INVS: variants seen among roughly 807,000 people sequenced by gnomAD.
The protein encoded by INVS is inversin, also known as inversion of embryo turning homolog.
INVS carries 86 observed loss-of-function variants against 108.8 expected under a neutral mutation model. That is an observed-to-expected ratio of 0.79 (90% confidence interval 0.66 to 0.95). The LOEUF (loss-of-function observed/expected upper bound fraction) is 0.95. Ranked by LOEUF, INVS falls within the 40% of genes least tolerant of loss-of-function variation. The pLI is 0.00. For synonymous variants in INVS, 455 were observed against 473.5 expected (o/e 0.96, Z 0.51); for missense variants, 1,169 against 1,297.4 (o/e 0.90, Z 1.52).
chr9:100,265,347 T>A (rs1288821332), intron 11 of INVS, among the ~76,000 whole-genome samples: 1 of 152,222 alleles, frequency 6.6e-6, no homozygotes, highest in East Asian at 1.9e-4. Flanking sequence ...ATAACTATAC[T>A]CATAATAAAA....
intron 3 of INVS, among the ~76,000 whole-genome samples, chr9:100,158,811 G>A (rs1483689564): frequency 6.6e-6 from 1 of 152,204 alleles, no homozygotes; most frequent in African/African-American, 2.4e-5. Context: ...AGGTGTTTGG[G>A]TCATGGGAGC....
rs1394627025 is a variant in INVS, at chr9:100,100,771, TATATATA to T, written c.-25+1363_-25+1369del. The stretch of plus-strand genomic sequence containing the variant: ...GTACATATAATATATATAATATATG[TATATATA>T]ATATATATTATATATATAATATATG... On this transcript the variant is annotated intron_variant, in intron 1 of 16. Coordinates refer to ENST00000262457, the MANE Select transcript of INVS (RefSeq NM_014425.5). 1.6e-3 allele frequency among the ~76,000 whole-genome samples: 25 copies of T among 15,414 alleles called. 6 individuals are homozygous for T. Among genetic ancestry groups the T allele is most frequent in the African/African-American group, 6.8e-3 (25 of 3,656 alleles). The allele number at this position is 15,414 out of a possible 152,430, so 10.1% of individuals were successfully genotyped here.
At chr9:100,238,806 G>T (rs564733308) in intron 5 of INVS, among the ~76,000 whole-genome samples, 1 of 152,162 alleles carries the variant, frequency 6.6e-6, no homozygotes, top group South Asian at 2.1e-4. Flanking sequence ...TTTCAAATCT[G>T]CCTGGTAATT....
At chr9:100,212,101 G>A (rs1407217064) in intron 3 of INVS, among the ~76,000 whole-genome samples, 2 of 152,160 alleles carry the variant, frequency 1.3e-5, no homozygotes, top group African/African-American at 4.8e-5. Context: ...GTTGATTGCT[G>A]TAACTGTTTG....
At chr9:100,175,013 G>T (rs958349133) in intron 3 of INVS, among the ~76,000 whole-genome samples, 1 of 152,150 alleles carries the variant, frequency 6.6e-6, no homozygotes, top group Non-Finnish European at 1.5e-5. Context: ...AACTGAGCTG[G>T]TTGCCTTCTG....
rs146900118 is a variant in INVS, at chr9:100,254,339, T to A, written c.1464+1203T>A. ...TTAGCCCTTTGTCAGATGGGTAGAT[T>A]GTAAAAATTTTCTCCAGTTTGAAGG... On this transcript the variant is annotated intron_variant, in intron 10 of 16. Transcript: ENST00000262457. Among the ~76,000 whole-genome samples, 9 of 152,324 alleles carry A rather than the reference T, an allele frequency of 5.9e-5. No individual in the cohort carries two copies. In the East Asian group the frequency reaches 1.7e-3, roughly 29 times the overall value.
chr9:100,141,669 C>T (rs1175141164), intron 3 of INVS, among the ~76,000 whole-genome samples: 2 of 152,086 alleles, frequency 1.3e-5, no homozygotes, highest in Non-Finnish European at 2.9e-5. Flanking sequence ...ACTTGCCAGT[C>T]CTGGGCAGGG....
chr9:100,127,240 A>T (rs1215235179), intron 3 of INVS, among the ~76,000 whole-genome samples: 1 of 152,098 alleles, frequency 6.6e-6, no homozygotes, highest in African/African-American at 2.4e-5. Context: ...AAAGGTTGAA[A>T]TGTCGCTTGA....
intron 10 of INVS, among the ~76,000 whole-genome samples, chr9:100,259,320 C>CA (rs2118599848): frequency 6.6e-6 from 1 of 152,256 alleles, no homozygotes; most frequent in Admixed American, 6.5e-5. Flanking sequence ...TACCATCTGT[C>CA]ACGGCTTTCC....
At chr9:100,202,001 A>C (rs1409464017) in intron 3 of INVS, among the ~76,000 whole-genome samples, 1 of 152,134 alleles carries the variant, frequency 6.6e-6, no homozygotes, top group Non-Finnish European at 1.5e-5. Flanking sequence ...TCATATTCAG[A>C]GGCGGGTACA....
At position 100,132,975 on chromosome 9, in the gene INVS, C is replaced by T. The variant is rs138256223; in HGVS notation, c.273+6426C>T. ...CAAAACTTAGCTGGGCGTGATGGTG[C>T]GTGCCTATAATCCCAGCTACTCAGG... On this transcript the variant is annotated intron_variant, in intron 3 of 16. Coordinates refer to ENST00000262457, the MANE Select transcript of INVS (RefSeq NM_014425.5). Among the ~76,000 whole-genome samples, 713 of 152,078 alleles carry T rather than the reference C, an allele frequency of 4.7e-3. 7 individuals are homozygous for T. Among genetic ancestry groups the T allele is most frequent in the African/African-American group, 0.016 (674 of 41,470 alleles).
At chr9:100,222,377 T>C (rs1831177731) in intron 3 of INVS, among the ~76,000 whole-genome samples, 1 of 152,314 alleles carries the variant, frequency 6.6e-6, no homozygotes, top group Non-Finnish European at 1.5e-5. Flanking sequence ...TTATTTAATC[T>C]GTGAAAATGT....
At chr9:100,116,185 C>G (rs1422255465) in intron 2 of INVS, among the ~76,000 whole-genome samples, 1 of 151,428 alleles carries the variant, frequency 6.6e-6, no homozygotes, top group Non-Finnish European at 1.5e-5. Flanking sequence ...CTCCCTGCAA[C>G]CTCCGCCTCC....
At chr9:100,223,443 T>G (rs183283285) in intron 3 of INVS, among the ~76,000 whole-genome samples, 1 of 152,156 alleles carries the variant, frequency 6.6e-6, no homozygotes, top group Non-Finnish European at 1.5e-5. Context: ...CTAGAAGATA[T>G]TTCATTTCTT....
intron 3 of INVS, among the ~76,000 whole-genome samples, chr9:100,223,574 G>A (rs909321134): frequency 1.3e-5 from 2 of 152,072 alleles, no homozygotes; most frequent in African/African-American, 4.8e-5. Context: ...AGTTTGTGAG[G>A]GAGCTCACAC....
intron 3 of INVS, among the ~76,000 whole-genome samples, chr9:100,172,087 G>C (rs1477350293): frequency 2.0e-5 from 3 of 151,786 alleles, no homozygotes; most frequent in Non-Finnish European, 4.4e-5. Context: ...ATCACAAAAT[G>C]ATAAGGCCCT....
chr9:100,233,326 A>G (rs555458280), intron 5 of INVS, among the ~76,000 whole-genome samples: 3 of 152,270 alleles, frequency 2.0e-5, no homozygotes, highest in East Asian at 3.9e-4. Context: ...AACAGAGACA[A>G]TTTGACTTCC....
intron 3 of INVS, among the ~76,000 whole-genome samples, chr9:100,133,811 A>G (rs1397381265): frequency 6.6e-6 from 1 of 151,154 alleles, no homozygotes; most frequent in African/African-American, 2.5e-5. Flanking sequence ...ACACATACAC[A>G]CATCCCTCAT....
intron 12 of INVS, among the ~76,000 whole-genome samples, chr9:100,281,791 T>C (rs774140309): frequency 6.8e-6 from 1 of 146,080 alleles, no homozygotes; most frequent in Non-Finnish European, 1.5e-5. Flanking sequence ...TCTTGCTTTC[T>C]GGATGTCTTG....
Sources: allele counts gnomAD v4.1 joint callset (sites outside exome capture counted in the v4.1 genomes callset), GRCh38; gene constraint gnomAD v4.1.1; transcripts MANE v1.5; gene names NCBI Gene and HGNC (gene_info 2026-07-23, HGNC 2026-07-21).